LARGE1: variants seen among roughly 807,000 people sequenced by gnomAD.
LARGE1 encodes the protein xylosyl- and glucuronyltransferase LARGE1.
Under a neutral mutation model 87.6 loss-of-function variants are expected in LARGE1, and 43 were observed. That is an observed-to-expected ratio of 0.49 (90% CI 0.38 to 0.63). The LOEUF is 0.63. Ranked by LOEUF, LARGE1 falls within the 30% of genes least tolerant of loss-of-function variation. The pLI is 0.00. For synonymous variants in LARGE1, 434 were observed against 394.6 expected, an observed-to-expected ratio of 1.10 and a Z score of -1.18; for missense variants, 802 against 1,000.2, an observed-to-expected ratio of 0.80 and a Z score of 2.67.
intron 11 of LARGE1, among the ~76,000 whole-genome samples, chr22:33,246,977 T>A (rs1462273339): frequency 6.6e-6 from 1 of 152,102 alleles, no homozygotes; most frequent in African/African-American, 2.4e-5. Flanking sequence ...GCCAACAATA[T>A]GTCTCACAAT....
At chr22:33,586,481 A>G (rs1457371354) in intron 5 of LARGE1, among the ~76,000 whole-genome samples, 3 of 142,924 alleles carry the variant, frequency 2.1e-5, no homozygotes, top group Non-Finnish European at 4.5e-5. Context: ...TTTCAGACGG[A>G]GTCTTGCTCT....
At chr22:33,495,924 T>G (rs182674737) in intron 6 of LARGE1, among the ~76,000 whole-genome samples, 19 of 152,096 alleles carry the variant, frequency 1.2e-4, no homozygotes, top group Admixed American at 5.2e-4. Flanking sequence ...CCTCTGTGAG[T>G]GTATTAGTCA....
At chr22:33,078,843 G>C in the LARGE1 span, among the ~76,000 whole-genome samples, 1 of 152,224 alleles carries the variant, frequency 6.6e-6, no homozygotes, top group African/African-American at 2.4e-5. Flanking sequence ...TCAAAGGAGA[G>C]GGTTAGAGGC....
chr22:33,865,832 C>CTTTTTTTTTTTTTTTTT lies in LARGE1; in HGVS notation c.-83+54146_-83+54162dup, dbSNP rs3072359. On this transcript the variant is annotated intron_variant, in intron 1 of 14. Transcript: ENST00000397394. ...TAAGCATTCAATGTTAGCTGTTATT[C>CTTTTTTTTTTTTTTTTT]TTTTTTTTTTTTTTTTTTTTTTTTT... 2.1e-4 allele frequency among the ~76,000 whole-genome samples: 6 copies of CTTTTTTTTTTTTTTTTT among 28,366 alleles called. 2 individuals are homozygous for CTTTTTTTTTTTTTTTTT. Among genetic ancestry groups the CTTTTTTTTTTTTTTTTT allele is most frequent in the East Asian group, 3.5e-3 (2 of 574 alleles). The allele number at this position is 28,366 out of a possible 152,430, so 18.6% of individuals were successfully genotyped here.
At chr22:33,378,176 C>T (rs1156318756) in intron 9 of LARGE1, among the ~76,000 whole-genome samples, 1 of 152,148 alleles carries the variant, frequency 6.6e-6, no homozygotes, top group Admixed American at 6.5e-5. Flanking sequence ...TCTTCTAGAT[C>T]AGATTTATGT....
chr22:33,792,086 T>G (rs1385975332), intron 1 of LARGE1, among the ~76,000 whole-genome samples: 1 of 152,128 alleles, frequency 6.6e-6, no homozygotes, highest in South Asian at 2.1e-4. Flanking sequence ...GTGTTCAGAC[T>G]CAGAGACGTC....
intron 7 of LARGE1, among the ~76,000 whole-genome samples, chr22:33,424,180 G>A (rs532966225): frequency 6.6e-6 from 1 of 152,310 alleles, no homozygotes; most frequent in East Asian, 1.9e-4. Context: ...TGGGGGCAGG[G>A]CCCTGAGGTT....
At chr22:33,595,092 T>C (rs746001366) in intron 5 of LARGE1, among the ~76,000 whole-genome samples, 2 of 152,166 alleles carry the variant, frequency 1.3e-5, no homozygotes, top group Non-Finnish European at 2.9e-5. Context: ...ACACATGTCC[T>C]CTCTGTGGCA....
intron 4 of LARGE1, among the ~76,000 whole-genome samples, chr22:33,625,409 TAGA>T (rs569695615): frequency 6.6e-6 from 1 of 152,152 alleles, no homozygotes; most frequent in African/African-American, 2.4e-5. Flanking sequence ...CACTTCCAGG[TAGA>T]AGAAGAACCA....
intron 2 of LARGE1, chr22:33,732,778 T>G (rs928703057): frequency 6.6e-6 from 1 of 152,180 alleles, no homozygotes; most frequent in Non-Finnish European, 1.5e-5. Flanking sequence ...TTTGAAGCAC[T>G]CACCACCAGA....
intron 2 of LARGE1, among the ~76,000 whole-genome samples, chr22:33,699,039 T>C (rs1603195684): frequency 6.6e-6 from 1 of 152,146 alleles, no homozygotes; most frequent in Non-Finnish European, 1.5e-5. Flanking sequence ...AGACTCGGGG[T>C]CCTCCTCTGT....
intron 6 of LARGE1, among the ~76,000 whole-genome samples, chr22:33,491,796 C>A (rs1229349932): frequency 6.6e-6 from 1 of 152,046 alleles, no homozygotes; most frequent in Non-Finnish European, 1.5e-5. Context: ...ATAGTTGAAA[C>A]AAAATAAAAC....
intron 2 of LARGE1, among the ~76,000 whole-genome samples, chr22:33,715,820 C>A (rs1217630922): frequency 1.3e-5 from 2 of 152,198 alleles, no homozygotes; most frequent in Non-Finnish European, 2.9e-5. Flanking sequence ...CTCACAGGAT[C>A]ACAGACATCA....
chr22:33,850,693 AT>A (rs1050863766), intron 1 of LARGE1, among the ~76,000 whole-genome samples: 1 of 152,048 alleles, frequency 6.6e-6, no homozygotes, highest in African/African-American at 2.4e-5. Flanking sequence ...TGGCTAACAC[AT>A]TTTCCCATTT....
intron 10 of LARGE1, among the ~76,000 whole-genome samples, chr22:33,321,217 A>G (rs554252140): frequency 2.1e-4 from 32 of 152,258 alleles, no homozygotes; most frequent in Non-Finnish European, 3.7e-4. Context: ...AGTGATTATC[A>G]CAGGAAAGGG....
intron 1 of LARGE1, among the ~76,000 whole-genome samples, chr22:33,859,010 G>T (rs1253327849): frequency 1.3e-5 from 2 of 151,618 alleles, no homozygotes; most frequent in Non-Finnish European, 2.9e-5. Flanking sequence ...ATGGACACAG[G>T]GAGGGGAACA....
At chr22:33,738,308 G>A (rs767844776) in intron 2 of LARGE1, among the ~76,000 whole-genome samples, 1 of 152,160 alleles carries the variant, frequency 6.6e-6, no homozygotes, top group East Asian at 1.9e-4. Flanking sequence ...GATCCTAGGA[G>A]GTGGTCTGGA....
chr22:33,607,204 G>A (rs903671406), intron 4 of LARGE1, among the ~76,000 whole-genome samples: 1 of 152,122 alleles, frequency 6.6e-6, no homozygotes, highest in Non-Finnish European at 1.5e-5. Context: ...GCTCATACCC[G>A]TAATCCTAGC....
chr22:33,382,346 C>T lies in LARGE1; in HGVS notation c.1006-302G>A, dbSNP rs564497285. 3.3e-5 allele frequency among the ~76,000 whole-genome samples: 5 copies of T among 152,298 alleles called. No homozygotes were observed. The East Asian group carries it at 9.7e-4, about 29-fold the overall frequency. On this transcript the variant is annotated intron_variant, in intron 8 of 14. Coordinates refer to ENST00000397394, the MANE Select transcript of LARGE1 (RefSeq NM_133642.5). ...ACATGGGGTGTCTTCCCTACCCTCA[C>T]TGGCATATGAAAAACGAAGTCTCCT...
Sources: allele counts gnomAD v4.1 joint callset (sites outside exome capture counted in the v4.1 genomes callset), GRCh38; gene constraint gnomAD v4.1.1; transcripts MANE v1.5; gene names NCBI Gene and HGNC (gene_info 2026-07-23, HGNC 2026-07-21).